The following EIF2AK2 variants were observed in gnomAD, a reference collection of about 807,000 sequenced individuals.
The protein encoded by EIF2AK2 is eukaryotic translation initiation factor 2 alpha kinase 2.
Under a neutral mutation model 70.5 loss-of-function variants are expected in EIF2AK2, and 40 were observed. The ratio of observed to expected loss-of-function variants is 0.57; its 90% CI spans 0.44 to 0.74. The LOEUF is 0.74. Ranked by LOEUF, EIF2AK2 falls within the 30% of genes least tolerant of loss-of-function variation. The pLI, the probability that EIF2AK2 is intolerant of heterozygous loss-of-function variation, is 0.00. For missense variants in EIF2AK2, 555 were observed against 644.3 expected (o/e 0.86, Z 1.50); for synonymous variants, 198 against 220.9 (o/e 0.90, Z 0.92).
At chr2:37,124,450 C>T (rs559939128) in intron 11 of EIF2AK2, among the ~76,000 whole-genome samples, 33 of 152,240 alleles carry the variant, frequency 2.2e-4, no homozygotes, top group African/African-American at 7.9e-4. Flanking sequence ...TTAGTAGAGA[C>T]AGAGTTTCAC....
intron 1 of EIF2AK2, among the ~76,000 whole-genome samples, chr2:37,152,519 G>A (rs1675778618): frequency 6.6e-6 from 1 of 152,032 alleles, no homozygotes; most frequent in Admixed American, 6.6e-5. Context: ...GAACTCCAGT[G>A]ATCCACCAGC....
chr2:37,109,517 A>C (rs1674074523), intron 14 of EIF2AK2: 2 of 473,396 alleles, frequency 4.2e-6, no homozygotes, highest in Non-Finnish European at 3.8e-6. Flanking sequence ...AATCTCAGTT[A>C]TAAAACAAGG....
rs34321110 is a variant in EIF2AK2 at position 37,127,741 on chromosome 2, A to AT, written c.786-1331dup. 3.2e-3 allele frequency among the ~76,000 whole-genome samples: 396 copies of AT among 125,412 alleles called. 1 individual carries two copies. Among genetic ancestry groups the AT allele is most frequent in the African/African-American group, 0.011 (365 of 33,776 alleles). 82.3% of individuals were successfully genotyped at this position (125,412 alleles called of 152,430 possible). A position where few individuals can be genotyped will look rare whatever the true frequency, so the allele number is the denominator to read the frequency against. On this transcript the variant is annotated intron_variant, in intron 10 of 16. Transcript: ENST00000233057. Reference sequence around the variant, plus strand: ...GCTCTGACCATAGTTTGTTCCTGCAATTTTTTTTTTTTTTTTTTTGAGACA... The same window carrying AT: ...GCTCTGACCATAGTTTGTTCCTGCAATTTTTTTTTTTTTTTTTTTTGAGACA...
chr2:37,118,285 G>A (rs531536386), intron 13 of EIF2AK2, among the ~76,000 whole-genome samples: 35 of 152,204 alleles, frequency 2.3e-4, no homozygotes, highest in Admixed American at 1.8e-3. Flanking sequence ...CTGCACTCCA[G>A]CCTGGGCAAA....
At chr2:37,149,478 G>A (rs766565810) in intron 1 of EIF2AK2, among the ~76,000 whole-genome samples, 5 of 152,080 alleles carry the variant, frequency 3.3e-5, no homozygotes, top group East Asian at 3.9e-4. Flanking sequence ...AATTCAGATA[G>A]CCTATTTCTC....
rs1316047954 is a variant in EIF2AK2 at position 37,137,098 on chromosome 2, T to A, written c.688-81A>T. The A allele has an allele frequency of 2.5e-6, 3 of 1,217,080 alleles. No homozygotes were observed. The African/African-American group carries it at 4.6e-5, about 19-fold the overall frequency. 75.4% of individuals were successfully genotyped at this position (1,217,080 alleles called of 1,614,324 possible). A position where few individuals can be genotyped will look rare whatever the true frequency, so the allele number is the denominator to read the frequency against. ...TTCCCGTTTTCCTTCCTCCTGTATA[T>A]CTAGATGGCTCTCTGACCAATTTCT... On this transcript the variant is annotated intron_variant, in intron 8 of 16. Transcript: ENST00000233057.
In EIF2AK2 at chr2:37,099,461, C is replaced by A. The variant is rs1673771097; in HGVS notation, c.*7812G>T. ...GAAGAAAAGTGCTGTGTAGGAATGACTGAGCTCTAAGACAAACTGGTAAGA... is the reference window on the plus strand; with the variant it reads ...GAAGAAAAGTGCTGTGTAGGAATGAATGAGCTCTAAGACAAACTGGTAAGA... On this transcript the variant is annotated 3_prime_UTR_variant, in exon 17 of 17. Coordinates refer to ENST00000233057, the MANE Select transcript of EIF2AK2 (RefSeq NM_001135651.3). The A allele has an allele frequency of 6.6e-6, 1 of 152,124 alleles. No homozygotes were observed. Among genetic ancestry groups the A allele is most frequent in the South Asian group, 2.1e-4 (1 of 4,822 alleles). 9.4% of individuals were successfully genotyped at this position (152,124 alleles called of 1,614,324 possible).
At chr2:37,111,907 A>G (rs1214877946) in intron 14 of EIF2AK2, among the ~76,000 whole-genome samples, 3 of 110,872 alleles carry the variant, frequency 2.7e-5, no homozygotes, top group African/African-American at 9.6e-5. Flanking sequence ...ATATATATAT[A>G]TATATCATAA....
At chr2:37,130,839 C>T (rs891267794) in intron 10 of EIF2AK2, among the ~76,000 whole-genome samples, 1 of 152,144 alleles carries the variant, frequency 6.6e-6, no homozygotes, top group Non-Finnish European at 1.5e-5. Context: ...TTTGCAGCCC[C>T]TCTCTAGAAC....
intron 1 of EIF2AK2, among the ~76,000 whole-genome samples, chr2:37,151,335 C>T (rs1278865494): frequency 6.6e-6 from 1 of 151,986 alleles, no homozygotes; most frequent in Non-Finnish European, 1.5e-5. Flanking sequence ...CCAATAAGCA[C>T]ATGAAAAGAT....
At chr2:37,143,571 C>T (rs569546101) in intron 4 of EIF2AK2, among the ~76,000 whole-genome samples, 2 of 152,070 alleles carry the variant, frequency 1.3e-5, no homozygotes, top group South Asian at 4.2e-4. Context: ...TTGTATTATT[C>T]CCTAAACAAT....
intron 12 of EIF2AK2, among the ~76,000 whole-genome samples, chr2:37,121,883 G>A (rs902869037): frequency 1.1e-4 from 17 of 152,256 alleles, no homozygotes; most frequent in Middle Eastern, 6.8e-3. Flanking sequence ...ATTTTAGTGA[G>A]AGGACTGTCC....
intron 14 of EIF2AK2, among the ~76,000 whole-genome samples, chr2:37,110,398 C>T (rs1267439379): frequency 6.6e-6 from 1 of 151,356 alleles, no homozygotes; most frequent in Non-Finnish European, 1.5e-5. Flanking sequence ...ACCCAGCCAA[C>T]AAAAGGTTTT....
rs1673983330 is a variant in EIF2AK2, at chr2:37,106,979, T to G, written c.*294A>C. ...ATCACTTGAACCCAAGAGGCAGAAGTTGCAGTGAGCCAAGACTGTGTCATT... is the reference window on the plus strand; with the variant it reads ...ATCACTTGAACCCAAGAGGCAGAAGGTGCAGTGAGCCAAGACTGTGTCATT... On this transcript the variant is annotated 3_prime_UTR_variant, in exon 17 of 17. Coordinates refer to ENST00000233057, the MANE Select transcript of EIF2AK2 (RefSeq NM_001135651.3). 5.1e-6 allele frequency: 1 copy of G among 194,998 alleles called. No homozygotes were observed. The highest frequency in any genetic ancestry group is 1.0e-5 in the Non-Finnish European group (1 of 97,668). The allele number at this position is 194,998 out of a possible 1,614,324, so 12.1% of individuals were successfully genotyped here.
intron 1 of EIF2AK2, among the ~76,000 whole-genome samples, chr2:37,150,016 A>C (rs1333498997): frequency 2.0e-5 from 3 of 152,208 alleles, no homozygotes; most frequent in Non-Finnish European, 4.4e-5. Flanking sequence ...TTGTAGAAGA[A>C]GTCACTGATC....
chr2:37,126,435 T>C (rs779121289), intron 10 of EIF2AK2, 24 bp from the exon 11 acceptor site: 2 of 1,597,974 alleles, frequency 1.3e-6, no homozygotes, highest in East Asian at 2.2e-5. Context: ...ACCACTGTTA[T>C]TTTGACATTT....
intron 14 of EIF2AK2, among the ~76,000 whole-genome samples, chr2:37,113,094 G>A (rs1674214256): frequency 6.6e-6 from 1 of 152,178 alleles, no homozygotes; most frequent in Non-Finnish European, 1.5e-5. Flanking sequence ...TCAAATTGCA[G>A]TTAATTTTTA....
chr2:37,154,705 C>T (rs4670664), intron 1 of EIF2AK2, among the ~76,000 whole-genome samples: 5 of 151,542 alleles, frequency 3.3e-5, no homozygotes, highest in Non-Finnish European at 5.9e-5. Context: ...GGATTACAGG[C>T]GCCCACCACC....
At position 37,102,991 on chromosome 2, in the gene EIF2AK2, C is replaced by T. The variant is rs1673863169; in HGVS notation, c.*4282G>A. 1 of 140,594 alleles carries T rather than the reference C, an allele frequency of 7.1e-6. No individual in the cohort carries two copies. Among genetic ancestry groups the T allele is most frequent in the African/African-American group, 2.8e-5 (1 of 36,234 alleles). The allele number at this position is 140,594 out of a possible 1,614,324, so 8.7% of individuals were successfully genotyped here. ...TAGGGAGGCAATTATATTAAAATGG[C>T]TCTCAAAATTTCTGTGTGTGTGTGT... On this transcript the variant is annotated 3_prime_UTR_variant, in exon 17 of 17. Transcript: ENST00000233057.
Sources: allele counts gnomAD v4.1 joint callset (sites outside exome capture counted in the v4.1 genomes callset), GRCh38; gene constraint gnomAD v4.1.1; transcripts MANE v1.5; gene names NCBI Gene and HGNC (gene_info 2026-07-23, HGNC 2026-07-21).